Variants in DMD observed in about 807,000 individuals in gnomAD.
The protein encoded by DMD is dystrophin, also known as mutant dystrophin.
In DMD, 63 loss-of-function variants were observed where a neutral mutation model predicts 330.1. The observed-to-expected ratio is 0.19, with a 90% CI of 0.16 to 0.24. The LOEUF (loss-of-function observed/expected upper bound fraction) is 0.24, where lower values mean the gene tolerates loss of function less well. DMD is among the 10% of genes least tolerant of loss of function. The pLI is 1.00. For synonymous variants in DMD, 1,223 were observed against 959.8 expected, an observed-to-expected ratio of 1.27 and a Z score of -5.07; for missense variants, 3,344 against 2,684.1, an observed-to-expected ratio of 1.25 and a Z score of -5.43.
At chrX:32,688,236 G>A (rs1201871590) in intron 9 of DMD, among the ~76,000 whole-genome samples, 2 of 109,215 alleles carry the variant, frequency 1.8e-5, no homozygotes, top group African/African-American at 6.9e-5. Context: ...AATATCCTTG[G>A]TTCGCAAAAA....
chrX:32,228,921 G>A (rs931720895), intron 43 of DMD, among the ~76,000 whole-genome samples: 4 of 111,738 alleles, frequency 3.6e-5, no homozygotes, highest in Non-Finnish European at 7.5e-5. Flanking sequence ...TTCAGATTAA[G>A]TACATGATTA....
chrX:32,484,826 G>A, intron 21 of DMD, 93 bp downstream of exon 21: 2 of 943,034 alleles, frequency 2.1e-6, no homozygotes, highest in East Asian at 6.6e-5. Context: ...TCCATTTACA[G>A]AAATTATTGT....
At chrX:32,715,742 A>G (rs2065654080) in intron 7 of DMD, among the ~76,000 whole-genome samples, 1 of 110,858 alleles carries the variant, frequency 9.0e-6, no homozygotes. Flanking sequence ...TGGAGGTTGC[A>G]GTGAGCCACT....
chrX:31,152,974 T>G (rs1362428149), intron 74 of DMD, among the ~76,000 whole-genome samples: 2 of 112,616 alleles, frequency 1.8e-5, no homozygotes, highest in Non-Finnish European at 3.8e-5. Flanking sequence ...ATGTTTTCTA[T>G]TATTCTCATG....
chrX:31,578,542 G>T (rs2076207394), intron 55 of DMD, among the ~76,000 whole-genome samples: 1 of 111,684 alleles, frequency 9.0e-6, no homozygotes, highest in South Asian at 3.7e-4. Context: ...AGGAAGGCTG[G>T]GATTTTTCAA....
chrX:32,285,695 TTTTTG>T (rs1156667623), intron 43 of DMD, among the ~76,000 whole-genome samples: 2 of 110,839 alleles, frequency 1.8e-5, no homozygotes, highest in East Asian at 2.8e-4. Context: ...TAAATCTGTT[TTTTTG>T]TTTTGTTTTG....
At position 31,441,012 on chromosome X, in the gene DMD, C is replaced by T. The variant is rs761665520; in HGVS notation, c.9084+3469G>A. 2.7e-5 allele frequency among the ~76,000 whole-genome samples: 3 copies of T among 112,044 alleles called. No homozygotes were observed. The East Asian group carries it at 8.4e-4, about 31-fold the overall frequency. ...ACAGACAGCTAAAAAACTAGCATGG[C>T]TTTCCTTGAAAATTAAATGAATGGA... On this transcript the variant is annotated intron_variant, in intron 60 of 78. Coordinates refer to ENST00000357033, the MANE Select transcript of DMD (RefSeq NM_004006.3).
chrX:31,369,955 T>G (rs1043248504), intron 60 of DMD, among the ~76,000 whole-genome samples: 11 of 109,148 alleles, frequency 1.0e-4, no homozygotes, highest in Non-Finnish European at 1.9e-4. Context: ...AAAAATTAGC[T>G]GGGTGTGGTG....
At chrX:32,927,363 CTTTTTTTTTTTT>C (rs536073565) in intron 2 of DMD, among the ~76,000 whole-genome samples, 2 of 57,036 alleles carry the variant, frequency 3.5e-5, no homozygotes, top group African/African-American at 6.8e-5. Context: ...TTCTTTCTTT[CTTTTTTTTTTTT>C]TTTTTTTTTT....
intron 18 of DMD, among the ~76,000 whole-genome samples, chrX:32,515,958 T>C (rs1418730948): frequency 2.7e-5 from 3 of 111,559 alleles, no homozygotes; most frequent in African/African-American, 9.8e-5. Flanking sequence ...GGTTTAAAAG[T>C]TGCATTTTTT....
At chrX:32,491,209 G>A (rs928455056) in intron 20 of DMD, 68 bp downstream of exon 20, 1 of 1,159,268 alleles carries the variant, frequency 8.6e-7, no homozygotes. Flanking sequence ...ATTTGTTACT[G>A]TCTTCTTGGA....
At chrX:33,152,727 T>G (rs1401742682) in intron 1 of DMD, among the ~76,000 whole-genome samples, 2 of 111,489 alleles carry the variant, frequency 1.8e-5, no homozygotes, top group Non-Finnish European at 3.8e-5. Context: ...AGGGTATTAC[T>G]GTTAAGTGTA....
At chrX:32,713,632 T>C (rs911193880) in intron 7 of DMD, among the ~76,000 whole-genome samples, 4 of 111,886 alleles carry the variant, frequency 3.6e-5, no homozygotes, top group African/African-American at 1.3e-4. Flanking sequence ...AATATATACT[T>C]CTGTAACTTT....
chrX:31,352,083 C>A (rs1050505855), intron 60 of DMD, among the ~76,000 whole-genome samples: 1 of 111,064 alleles, frequency 9.0e-6, no homozygotes, highest in Admixed American at 9.6e-5. Context: ...AAGTAATTGG[C>A]TTTTTAATTT....
intron 56 of DMD, among the ~76,000 whole-genome samples, chrX:31,504,528 T>C (rs1019911264): frequency 9.8e-5 from 11 of 112,112 alleles, no homozygotes; most frequent in African/African-American, 3.5e-4. Context: ...TCATTGAAAC[T>C]ATTTTTTAAT....
intron 41 of DMD, among the ~76,000 whole-genome samples, chrX:32,330,684 G>A (rs183637440): frequency 1.4e-3 from 160 of 110,861 alleles, no homozygotes; most frequent in African/African-American, 5.0e-3. Flanking sequence ...CAAATATCAC[G>A]TCTTTTGTAT....
chrX:32,357,874 C>A (rs1013342470), intron 37 of DMD, among the ~76,000 whole-genome samples: 3 of 110,696 alleles, frequency 2.7e-5, no homozygotes, highest in Admixed American at 9.7e-5. Context: ...CTTCATTGAA[C>A]ACACTGTATG....
At chrX:31,624,952 C>A (rs1012361619) in intron 55 of DMD, among the ~76,000 whole-genome samples, 2 of 112,328 alleles carry the variant, frequency 1.8e-5, no homozygotes, top group African/African-American at 6.5e-5. Flanking sequence ...TCAAGCTCGG[C>A]ATTTCCATTT....
At chrX:32,756,507 C>G (rs1235802732) in intron 7 of DMD, 2 of 111,406 alleles carry the variant, frequency 1.8e-5, no homozygotes, top group Non-Finnish European at 3.8e-5. Flanking sequence ...TTAAATAACC[C>G]TATGGGCAAC....
Sources: gnomAD v4.1 joint callset for allele counts (sites outside exome capture counted in the v4.1 genomes callset) on GRCh38, gnomAD v4.1.1 for gene constraint, MANE v1.5 for transcripts, NCBI Gene and HGNC (gene_info 2026-07-23, HGNC 2026-07-21) for gene names.